ACOXL: variants seen among roughly 807,000 people sequenced by gnomAD.
ACOXL encodes acyl-coenzyme A oxidase-like protein.
ACOXL carries 70 observed loss-of-function variants against 71.9 expected under a neutral mutation model. The observed-to-expected ratio is 0.97, with a 90% CI of 0.80 to 1.19. ACOXL has a LOEUF of 1.19. Among genes scored for constraint, ACOXL ranks in the 50% most tolerant of loss-of-function variants. The probability of loss-of-function intolerance (pLI) is 0.00; values close to 1 mark genes in which losing one functional copy is unlikely to be tolerated. For synonymous variants in ACOXL, 253 were observed against 281.6 expected, an observed-to-expected ratio of 0.90 and a Z score of 1.02; for missense variants, 703 against 736.3, an observed-to-expected ratio of 0.95 and a Z score of 0.52.
At chr2:110,809,065 T>C (rs969819707) in intron 9 of ACOXL, among the ~76,000 whole-genome samples, 2 of 152,214 alleles carry the variant, frequency 1.3e-5, no homozygotes, top group African/African-American at 4.8e-5. Context: ...TGTTGGTTCT[T>C]GTGCTCCCAC....
At chr2:110,990,745 A>G (rs765249593) in intron 13 of ACOXL, among the ~76,000 whole-genome samples, 9 of 152,202 alleles carry the variant, frequency 5.9e-5, no homozygotes, top group Non-Finnish European at 1.3e-4. Context: ...ATTTTTCTGC[A>G]TCTGTTGAAA....
chr2:110,756,775 T>C (rs772461582), intron 1 of ACOXL, among the ~76,000 whole-genome samples: 1 of 152,238 alleles, frequency 6.6e-6, no homozygotes, highest in Non-Finnish European at 1.5e-5. Context: ...CTTCTGTTTC[T>C]CAATATTCTA....
Position 110,850,631 on chromosome 2 carries a change from A to G in ACOXL, c.788+9226A>G, listed in dbSNP as rs574850513. On this transcript the variant is annotated intron_variant, in intron 10 of 17. Transcript: ENST00000439055. The stretch of plus-strand genomic sequence containing the variant: ...AAATTGACCCTCATCAAAACTTCCC[A>G]ACACAAACACAAACAAAAAAACCAC... Among the ~76,000 whole-genome samples, 4 of 152,342 alleles carry G rather than the reference A, an allele frequency of 2.6e-5. No homozygotes were observed. In the East Asian group the frequency reaches 7.7e-4, roughly 29 times the overall value.
At chr2:110,950,482 T>C (rs1485034773) in intron 12 of ACOXL, among the ~76,000 whole-genome samples, 1 of 152,210 alleles carries the variant, frequency 6.6e-6, no homozygotes, top group Admixed American at 6.5e-5. Flanking sequence ...TCATAAGGAA[T>C]GGATAGCGGC....
chr2:110,913,801 T>C (rs749098753), intron 11 of ACOXL, among the ~76,000 whole-genome samples: 16 of 152,132 alleles, frequency 1.1e-4, no homozygotes, highest in Admixed American at 3.9e-4. Context: ...GCACATCACA[T>C]GGCGAAAGCA....
At chr2:110,872,050 A>G (rs1695344904) in intron 10 of ACOXL, among the ~76,000 whole-genome samples, 1 of 152,232 alleles carries the variant, frequency 6.6e-6, no homozygotes, top group Admixed American at 6.5e-5. Flanking sequence ...GGTTGTTCAC[A>G]CAAGCTGCAT....
intron 12 of ACOXL, among the ~76,000 whole-genome samples, chr2:110,943,123 GGAAGAA>G (rs1168712833): frequency 5.2e-5 from 7 of 133,392 alleles, no homozygotes; most frequent in Non-Finnish European, 9.3e-5. Context: ...AGGAAGGAAA[GGAAGAA>G]GGAAGGAAAG....
chr2:111,111,848 T>TA (rs1386869237), intron 17 of ACOXL, among the ~76,000 whole-genome samples: 9 of 152,188 alleles, frequency 5.9e-5, no homozygotes, highest in African/African-American at 2.2e-4. Flanking sequence ...CCTTCCATCT[T>TA]AGAGATAAGG....
chr2:110,953,976 G>A (rs548404695), intron 12 of ACOXL, among the ~76,000 whole-genome samples: 2 of 152,346 alleles, frequency 1.3e-5, no homozygotes, highest in Admixed American at 1.3e-4. Flanking sequence ...TGAGATTTGA[G>A]TGGGGACACA....
intron 2 of ACOXL, among the ~76,000 whole-genome samples, chr2:110,783,842 C>G (rs983484797): frequency 6.6e-6 from 1 of 152,230 alleles, no homozygotes; most frequent in Admixed American, 6.5e-5. Flanking sequence ...TTTGCCCACT[C>G]AAGGGCCTAT....
intron 9 of ACOXL, among the ~76,000 whole-genome samples, chr2:110,828,766 G>T (rs1306631001): frequency 6.6e-6 from 1 of 152,094 alleles, no homozygotes; most frequent in East Asian, 1.9e-4. Flanking sequence ...TGGAATTAAG[G>T]ATGCTTCTTT....
intron 10 of ACOXL, among the ~76,000 whole-genome samples, chr2:110,851,728 T>G (rs1692624311): frequency 6.6e-6 from 1 of 152,094 alleles, no homozygotes. Flanking sequence ...TGGGATGACA[T>G]CCCTCCGTGA....
intron 17 of ACOXL, chr2:111,100,031 C>A (rs1423829012): frequency 1.3e-5 from 2 of 152,166 alleles, no homozygotes; most frequent in Non-Finnish European, 2.9e-5. Flanking sequence ...ATTTTGTTCC[C>A]TGAACTCCTG....
rs200611305 is a variant in ACOXL, at chr2:111,000,592, GCCC to G, written c.1281+4589_1281+4591del. Among the ~76,000 whole-genome samples the G allele has an allele frequency of 4.5e-4, 68 of 152,308 alleles. 1 individual carries two copies. The East Asian group carries it at 0.013, about 29-fold the overall frequency. On this transcript the variant is annotated intron_variant, in intron 14 of 17. Coordinates refer to ENST00000439055, the MANE Select transcript of ACOXL (RefSeq NM_001142807.4). ...AATCTGAAATCATGGTGGCAGCAGG[GCCC>G]TGCTCCCTCTGAGACCCTGGGTAGA... is the stretch of plus-strand genomic sequence containing the variant.
intron 1 of ACOXL, among the ~76,000 whole-genome samples, chr2:110,758,770 G>T (rs1680011305): frequency 6.6e-6 from 1 of 152,040 alleles, no homozygotes; most frequent in South Asian, 2.1e-4. Flanking sequence ...GAGATGTTAG[G>T]TTGTTAACTT....
rs533312989 is a variant in ACOXL, at chr2:110,883,335, C to T, written c.789-25454C>T. On this transcript the variant is annotated intron_variant, in intron 10 of 17. Coordinates refer to ENST00000439055, the MANE Select transcript of ACOXL (RefSeq NM_001142807.4). Reference sequence around the variant, plus strand: ...ATGTTGGCCAGGCTGGTCTCAAACTCGTAGCCCCAAGCAATCCACCCGCCT... The same window carrying T: ...ATGTTGGCCAGGCTGGTCTCAAACTTGTAGCCCCAAGCAATCCACCCGCCT... 7.9e-5 allele frequency among the ~76,000 whole-genome samples: 12 copies of T among 152,118 alleles called. No individual in the cohort carries two copies. The South Asian group carries it at 2.1e-3, about 26-fold the overall frequency.
chr2:110,987,584 G>C (rs2062988559), intron 13 of ACOXL, among the ~76,000 whole-genome samples: 1 of 152,188 alleles, frequency 6.6e-6, no homozygotes. Context: ...TGGCAGAGGT[G>C]AGATTTGAAC....
intron 12 of ACOXL, among the ~76,000 whole-genome samples, chr2:110,972,851 C>T (rs1034702350): frequency 2.0e-5 from 3 of 152,282 alleles, no homozygotes; most frequent in East Asian, 3.9e-4. Flanking sequence ...GCAGAGACTC[C>T]GTGTCCATGG....
chr2:110,934,717 C>T (rs1235714575), intron 12 of ACOXL, among the ~76,000 whole-genome samples: 2 of 152,024 alleles, frequency 1.3e-5, no homozygotes, highest in Non-Finnish European at 2.9e-5. Context: ...GGGCCTCTCC[C>T]ATGTGATCCA....
Sources: gnomAD v4.1 joint callset for allele counts (sites outside exome capture counted in the v4.1 genomes callset) on GRCh38, gnomAD v4.1.1 for gene constraint, MANE v1.5 for transcripts, NCBI Gene and HGNC (gene_info 2026-07-23, HGNC 2026-07-21) for gene names.